Variants in SEC11A observed in about 807,000 individuals in gnomAD.
The protein encoded by SEC11A is SEC11 homolog A, signal peptidase complex subunit.
A neutral mutation model predicts 25.6 loss-of-function variants in SEC11A; 14 were observed. That is an observed-to-expected ratio of 0.55 (90% CI 0.36 to 0.85). The LOEUF (loss-of-function observed/expected upper bound fraction) is 0.85, where lower values mean the gene tolerates loss of function less well. SEC11A is among the 40% of genes least tolerant of loss of function. SEC11A has a pLI of 0.01. For missense variants in SEC11A, 153 were observed against 222.9 expected, an observed-to-expected ratio of 0.69 and a Z score of 2.00; for synonymous variants, 83 against 76.4, an observed-to-expected ratio of 1.09 and a Z score of -0.45.
intron 4 of SEC11A, chr15:84,679,168 C>A (rs1269007157): frequency 1.1e-5 from 7 of 623,610 alleles, no homozygotes; most frequent in Non-Finnish European, 1.7e-5. Context: ...TGAATCTGTA[C>A]ATTTATAATT....
rs565368589 is a variant in SEC11A, at chr15:84,712,811, C to T, written c.51+3214G>A. Among the ~76,000 whole-genome samples the T allele has an allele frequency of 3.3e-5, 5 of 152,256 alleles. No homozygotes were observed. In the South Asian group the frequency reaches 1.0e-3, roughly 32 times the overall value. ...TTCCATTTATATAAAATGCATACCC[C>T]TCTATACTGACAAAAAGCACATTAG... On this transcript the variant is annotated intron_variant, in intron 1 of 5. Transcript: ENST00000268220.
At chr15:84,700,354 A>C (rs1357722605) in intron 1 of SEC11A, among the ~76,000 whole-genome samples, 1 of 151,566 alleles carries the variant, frequency 6.6e-6, no homozygotes, top group African/African-American at 2.4e-5. Context: ...CCAGAACTTT[A>C]GGAGGCCAAG....
intron 2 of SEC11A, among the ~76,000 whole-genome samples, chr15:84,690,810 T>C (rs565823322): frequency 2.0e-5 from 3 of 152,250 alleles, no homozygotes; most frequent in South Asian, 2.1e-4. Context: ...TATCCTGACA[T>C]TGAGAACATG....
At chr15:84,691,825 C>T (rs1368990119) in intron 1 of SEC11A, 181 bp from the exon 2 acceptor site, 1 of 422,276 alleles carries the variant, frequency 2.4e-6, no homozygotes, top group Non-Finnish European at 4.2e-6. Context: ...CCCCTTCTTT[C>T]ACCCAAAGCA....
At chr15:84,679,827 A>C in intron 4 of SEC11A, 1 of 730,632 alleles carries the variant, frequency 1.4e-6, no homozygotes, top group Non-Finnish European at 2.2e-6. Flanking sequence ...ACTTAGAATG[A>C]GTCTCTGGTA....
At chr15:84,689,828 G>C (rs1047113308) in intron 2 of SEC11A, among the ~76,000 whole-genome samples, 12 of 151,974 alleles carry the variant, frequency 7.9e-5, no homozygotes, top group African/African-American at 2.7e-4. Flanking sequence ...GGCTGGTCTC[G>C]AACTCCTAGC....
intron 3 of SEC11A, chr15:84,686,086 G>A (rs573154976): frequency 6.6e-6 from 1 of 152,020 alleles, no homozygotes; most frequent in African/African-American, 2.4e-5. Flanking sequence ...ACAGGCATGA[G>A]CCACTGCTCC....
chr15:84,701,506 C>T (rs1160102907), intron 1 of SEC11A, among the ~76,000 whole-genome samples: 1 of 149,684 alleles, frequency 6.7e-6, no homozygotes, highest in Non-Finnish European at 1.5e-5. Flanking sequence ...GATCATGCCA[C>T]TGCACTCCAG....
chr15:84,705,200 T>C lies in SEC11A; in HGVS notation c.51+10825A>G, dbSNP rs372572502. Among the ~76,000 whole-genome samples, 22 of 152,314 alleles carry C rather than the reference T, an allele frequency of 1.4e-4. No individual in the cohort carries two copies. The East Asian group carries it at 2.5e-3, about 17-fold the overall frequency. ...CAGGCTTCCCAAAGTGCTGGGATTA[T>C]AGGCCTGAGCCACTGAGCCCAGCCA... On this transcript the variant is annotated intron_variant, in intron 1 of 5. Transcript: ENST00000268220.
At chr15:84,680,072 GAT>G in intron 4 of SEC11A, 1 of 699,750 alleles carries the variant, frequency 1.4e-6, no homozygotes, top group Admixed American at 2.6e-5. Context: ...AACTAATTTG[GAT>G]GAACACTTTT....
At chr15:84,673,136 G>C (rs1897041230) in intron 4 of SEC11A, 1 of 168,044 alleles carries the variant, frequency 6.0e-6, no homozygotes, top group African/African-American at 2.4e-5. Context: ...GGGAGGTGGG[G>C]GTCAGCCCCC....
intron 3 of SEC11A, among the ~76,000 whole-genome samples, chr15:84,687,115 A>G (rs938773183): frequency 6.6e-6 from 1 of 151,938 alleles, no homozygotes; most frequent in Non-Finnish European, 1.5e-5. Flanking sequence ...CAGGTGATCC[A>G]CCCACCTCGG....
chr15:84,709,854 T>C (rs1030566709), intron 1 of SEC11A, among the ~76,000 whole-genome samples: 1 of 152,176 alleles, frequency 6.6e-6, no homozygotes, highest in African/African-American at 2.4e-5. Flanking sequence ...GTGATTCTTG[T>C]GCCTCAGCCA....
chr15:84,678,578 TATG>T (rs921325127), intron 4 of SEC11A, among the ~76,000 whole-genome samples: 3 of 152,244 alleles, frequency 2.0e-5, no homozygotes, highest in Non-Finnish European at 4.4e-5. Context: ...AAAATGATGA[TATG>T]ATGATAAATA....
chr15:84,713,462 T>C (rs1439060646), intron 1 of SEC11A, among the ~76,000 whole-genome samples: 2 of 152,194 alleles, frequency 1.3e-5, no homozygotes, highest in East Asian at 1.9e-4. Context: ...CTCCTAGATA[T>C]TATGTACAGA....
chr15:84,709,142 T>C (rs1358095806), intron 1 of SEC11A, among the ~76,000 whole-genome samples: 1 of 152,076 alleles, frequency 6.6e-6, no homozygotes, highest in East Asian at 1.9e-4. Context: ...GTGACATACA[T>C]GTAACATAAA....
chr15:84,683,072 G>C (rs1331358536), intron 3 of SEC11A, among the ~76,000 whole-genome samples: 1 of 152,048 alleles, frequency 6.6e-6, no homozygotes, highest in African/African-American at 2.4e-5. Flanking sequence ...TTAAAAATAA[G>C]ATGCCAGTTA....
intron 1 of SEC11A, among the ~76,000 whole-genome samples, chr15:84,701,736 A>G (rs1252892125): frequency 1.3e-5 from 2 of 151,346 alleles, no homozygotes; most frequent in Admixed American, 6.6e-5. Context: ...AAAATTGAAG[A>G]AAAAAAAAGC....
chr15:84,699,399 C>T (rs775232076), intron 1 of SEC11A, among the ~76,000 whole-genome samples: 51 of 151,336 alleles, frequency 3.4e-4, no homozygotes, highest in Non-Finnish European at 6.5e-4. Flanking sequence ...ACCAAATTTA[C>T]CTTCCTGCCT....
Sources: allele counts gnomAD v4.1 joint callset (sites outside exome capture counted in the v4.1 genomes callset), GRCh38; gene constraint gnomAD v4.1.1; transcripts MANE v1.5; gene names NCBI Gene and HGNC (gene_info 2026-07-23, HGNC 2026-07-21).